The following CGNL1 variants were observed in gnomAD, a reference collection of about 807,000 sequenced individuals.
CGNL1 encodes the protein cingulin like 1.
In CGNL1, 132 loss-of-function variants were observed where a neutral mutation model predicts 141.2. The observed-to-expected ratio is 0.93, with a 90% CI of 0.81 to 1.08. The LOEUF (loss-of-function observed/expected upper bound fraction) is 1.08, where lower values mean the gene tolerates loss of function less well. Among genes scored for constraint, CGNL1 ranks in the 50% least tolerant of loss-of-function variants. The pLI, the probability that CGNL1 is intolerant of heterozygous loss-of-function variation, is 0.00. For missense variants in CGNL1, 1,870 were observed against 1,588.6 expected (o/e 1.18, Z -3.01); for synonymous variants, 690 against 622.1 (o/e 1.11, Z -1.63).
At position 57,408,842 on chromosome 15, in the gene CGNL1, C is replaced by A. The variant is rs150579743; in HGVS notation, c.-15-29143C>A. Among the ~76,000 whole-genome samples the A allele has an allele frequency of 6.2e-3, 951 of 152,162 alleles. 4 individuals carry two copies. Among genetic ancestry groups the A allele is most frequent in the African/African-American group, 0.022 (918 of 41,520 alleles). On this transcript the variant is annotated intron_variant, in intron 1 of 18. Transcript: ENST00000281282. ...ATCACTTGAGGTCAGGAGTTTGAGA[C>A]CAGCCTGGCCAACATGGCGAAACCT...
chr15:57,519,177 C>T (rs952955500), intron 10 of CGNL1, among the ~76,000 whole-genome samples: 6 of 152,170 alleles, frequency 3.9e-5, no homozygotes, highest in African/African-American at 1.4e-4. Flanking sequence ...ACAGTGACCT[C>T]CGGGTGATGC....
At chr15:57,521,254 A>C (rs1411689398) in intron 10 of CGNL1, among the ~76,000 whole-genome samples, 4 of 152,166 alleles carry the variant, frequency 2.6e-5, no homozygotes, top group African/African-American at 7.2e-5. Context: ...GAGGAGGAAG[A>C]CCGTTGTTCT....
In CGNL1 at chr15:57,543,582, G is replaced by A. The variant is rs1479930252; in HGVS notation, c.3292-114G>A. The A allele has an allele frequency of 3.9e-5, 35 of 893,546 alleles. No homozygotes were observed. In the Admixed American group the frequency reaches 5.8e-4, roughly 15 times the overall value. 55.4% of individuals were successfully genotyped at this position (893,546 alleles called of 1,614,324 possible). The stretch of plus-strand genomic sequence containing the variant: ...AGCAGATGGCACGAGGGGCTGGGTA[G>A]GGCAACCCCCTTCATAAAGTGGAGG... On this transcript the variant is annotated intron_variant, in intron 14 of 18. Transcript: ENST00000281282.
At chr15:57,475,282 T>C (rs1451512620) in intron 8 of CGNL1, among the ~76,000 whole-genome samples, 1 of 152,194 alleles carries the variant, frequency 6.6e-6, no homozygotes, top group Admixed American at 6.5e-5. Flanking sequence ...CTCACTGTTG[T>C]CCCTGGTGAG....
At chr15:57,535,109 T>G (rs1421474759) in intron 14 of CGNL1, among the ~76,000 whole-genome samples, 1 of 152,186 alleles carries the variant, frequency 6.6e-6, no homozygotes, top group Non-Finnish European at 1.5e-5. Flanking sequence ...GATGAGAGAT[T>G]TGAGGCCCAG....
intron 8 of CGNL1, among the ~76,000 whole-genome samples, chr15:57,479,151 G>C (rs1324466642): frequency 6.6e-6 from 1 of 152,148 alleles, no homozygotes; most frequent in Non-Finnish European, 1.5e-5. Flanking sequence ...GCCTTTTCCA[G>C]TACATTGGCT....
At chr15:57,415,240 G>A (rs1206932861) in intron 1 of CGNL1, among the ~76,000 whole-genome samples, 1 of 152,210 alleles carries the variant, frequency 6.6e-6, no homozygotes, top group Non-Finnish European at 1.5e-5. Flanking sequence ...CCTGGAATCT[G>A]TGACTATGCC....
intron 7 of CGNL1, 37 bp downstream of exon 7, chr15:57,453,855 C>T (rs374088356): frequency 5.6e-6 from 9 of 1,608,208 alleles, no homozygotes; most frequent in African/African-American, 4.0e-5. Flanking sequence ...TAAGACAGGC[C>T]CCACCTGCCT....
chr15:57,474,809 AAG>A (rs2063630727), intron 8 of CGNL1, among the ~76,000 whole-genome samples: 1 of 152,254 alleles, frequency 6.6e-6, no homozygotes, highest in African/African-American at 2.4e-5. Flanking sequence ...GGGATGGAGT[AAG>A]AGGAAAACTT....
intron 8 of CGNL1, among the ~76,000 whole-genome samples, chr15:57,472,575 T>C (rs1268429429): frequency 6.6e-6 from 1 of 152,178 alleles, no homozygotes; most frequent in Non-Finnish European, 1.5e-5. Context: ...ACACTTAGGA[T>C]GGAGGCACGG....
At chr15:57,470,830 G>A (rs1595738848) in intron 8 of CGNL1, among the ~76,000 whole-genome samples, 1 of 152,188 alleles carries the variant, frequency 6.6e-6, no homozygotes, top group Non-Finnish European at 1.5e-5. Flanking sequence ...AGGAGATTAG[G>A]AGAGGTTTAT....
intron 14 of CGNL1, among the ~76,000 whole-genome samples, chr15:57,536,078 C>T (rs533271583): frequency 6.6e-6 from 1 of 152,300 alleles, no homozygotes; most frequent in South Asian, 2.1e-4. Context: ...GGAGGCCTCA[C>T]AATCATGGCA....
At chr15:57,445,742 G>T (rs78368571) in intron 4 of CGNL1, among the ~76,000 whole-genome samples, 1 of 152,136 alleles carries the variant, frequency 6.6e-6, no homozygotes, top group African/African-American at 2.4e-5. Context: ...CCAAGATGCC[G>T]CCGTTTCTAG....
chr15:57,496,234 AG>A (rs1403408126), intron 8 of CGNL1, among the ~76,000 whole-genome samples: 2 of 152,222 alleles, frequency 1.3e-5, no homozygotes, highest in Non-Finnish European at 2.9e-5. Flanking sequence ...ACTGTTTCTC[AG>A]AAAATCATGG....
At position 57,528,640 on chromosome 15, in the gene CGNL1, GTC is replaced by G; in HGVS notation, c.3040-9_3040-8del. On this transcript the variant is annotated splice_polypyrimidine_tract_variant and intron_variant, in intron 12 of 18. Transcript: ENST00000281282. Reference sequence around the variant, plus strand: ...TGCACCCCAGAAAACCATCCCAGCTGTCTCTCCTCCTAGATGCGTCTGATGGA... The same window carrying G: ...TGCACCCCAGAAAACCATCCCAGCTGTCTCCTCCTAGATGCGTCTGATGGA... 2 of 1,613,590 alleles carry G rather than the reference GTC, an allele frequency of 1.2e-6. No individual in the cohort carries two copies. Among genetic ancestry groups the G allele is most frequent in the South Asian group, 1.1e-5 (1 of 91,026 alleles).
intron 8 of CGNL1, among the ~76,000 whole-genome samples, chr15:57,477,848 G>C (rs1355607052): frequency 6.6e-6 from 1 of 152,164 alleles, no homozygotes; most frequent in Non-Finnish European, 1.5e-5. Flanking sequence ...GCAGATGCCT[G>C]TGCTGTGTAC....
intron 1 of CGNL1, among the ~76,000 whole-genome samples, chr15:57,398,837 A>G (rs530940622): frequency 1.3e-5 from 2 of 152,324 alleles, no homozygotes; most frequent in African/African-American, 4.8e-5. Context: ...TTTAACAAAA[A>G]TTGCCCCAAA....
intron 11 of CGNL1, 31 bp from the exon 12 acceptor site, chr15:57,524,550 G>C (rs201548505): frequency 3.1e-6 from 5 of 1,595,230 alleles, no homozygotes; most frequent in Non-Finnish European, 3.4e-6. Context: ...AGCATCCCAG[G>C]GTGGGCTCAC....
intron 8 of CGNL1, among the ~76,000 whole-genome samples, chr15:57,512,665 G>T (rs1403642994): frequency 3.3e-5 from 5 of 152,158 alleles, no homozygotes; most frequent in Non-Finnish European, 7.3e-5. Context: ...TTCAGTCCAG[G>T]TTCCCTTATC....
Sources: gnomAD v4.1 joint callset for allele counts (sites outside exome capture counted in the v4.1 genomes callset) on GRCh38, gnomAD v4.1.1 for gene constraint, MANE v1.5 for transcripts, NCBI Gene and HGNC (gene_info 2026-07-23, HGNC 2026-07-21) for gene names.